MDN1: variants seen among roughly 807,000 people sequenced by gnomAD.
MDN1 encodes the protein midasin AAA ATPase 1, also known as midasin.
A neutral mutation model predicts 669.2 loss-of-function variants in MDN1; 266 were observed. The observed-to-expected ratio is 0.40, with a 90% confidence interval of 0.36 to 0.44. The LOEUF (loss-of-function observed/expected upper bound fraction) is 0.44, where lower values mean the gene tolerates loss of function less well. MDN1 is among the 20% of genes least tolerant of loss of function. MDN1 has a pLI of 1.00. For synonymous variants in MDN1, 2,385 were observed against 2,457.1 expected (o/e 0.97, Z 0.87); for missense variants, 5,940 against 6,754.0 (o/e 0.88, Z 4.22).
intron 63 of MDN1, 147 bp downstream of exon 63, chr6:89,692,296 G>A (rs1331899914): frequency 1.5e-6 from 1 of 675,846 alleles, no homozygotes; most frequent in Non-Finnish European, 2.4e-6. Flanking sequence ...AGTTAAATAG[G>A]GAAAAAGAAG....
chr6:89,799,132 G>C (rs913290657), intron 2 of MDN1, among the ~76,000 whole-genome samples: 2 of 152,178 alleles, frequency 1.3e-5, no homozygotes, highest in Non-Finnish European at 2.9e-5. Flanking sequence ...TCATTCTGCT[G>C]TATGGCCGCA....
Position 89,658,209 on chromosome 6 carries a change from C to G in MDN1, c.15183G>C (p.Glu5061Asp), listed in dbSNP as rs1240552798. 1.2e-6 allele frequency: 2 copies of G among 1,613,956 alleles called. No individual in the cohort carries two copies. Among genetic ancestry groups the G allele is most frequent in the East Asian group, 4.5e-5 (2 of 44,890 alleles). The change falls in exon 90 of 102, where the codon GAG (glutamate) becomes GAC (aspartate). Residue 5061 changes from glutamate (E) to aspartate (D), a missense_variant and splice_region_variant. Transcript: ENST00000369393. ...CGGCTGCAGTGAAACCACTGATCAC[C>G]TCTTTCCCCTGCTCCTTCTCAGGTG... ...GAAPEKEQGK[E>D]EHGSGAADAN... is the part of the protein sequence containing the mutation.
At chr6:89,759,625 G>T (rs139761166) in intron 17 of MDN1, among the ~76,000 whole-genome samples, 1 of 152,058 alleles carries the variant, frequency 6.6e-6, no homozygotes, top group South Asian at 2.1e-4. Flanking sequence ...ATAGCCGGGC[G>T]TGGTGGCACG....
rs760930812 is a variant in MDN1, at chr6:89,672,214, C to G, written c.13780G>C (p.Ala4594Pro). Reference protein sequence around the residue: ...RLKSYGEDGTAAKHLFFSQSC... With the variant: ...RLKSYGEDGTPAKHLFFSQSC... ...CAGTTAGTTACCAGGTGCTTTGCTG[C>G]TGTGCCATCCTCACCGTACGATTTC... The change falls in exon 82 of 102, where the codon GCA (alanine) becomes CCA (proline). Residue 4594 changes from alanine to proline, a missense_variant. This residue lies in a region of MDN1 where 2,280 missense variants were observed against 2,576.3 expected (regional missense o/e 0.88). Transcript: ENST00000369393. The G allele has an allele frequency of 4.4e-6, 7 of 1,583,248 alleles. No homozygotes were observed. In the African/African-American group the frequency reaches 9.6e-5, roughly 22 times the overall value.
At chr6:89,671,860 G>A (rs889355187) in intron 82 of MDN1, among the ~76,000 whole-genome samples, 2 of 152,242 alleles carry the variant, frequency 1.3e-5, no homozygotes, top group Non-Finnish European at 2.9e-5. Flanking sequence ...GGGAATGGTG[G>A]TTACACAGGA....
chr6:89,764,777 C>A (rs545159229), intron 15 of MDN1, among the ~76,000 whole-genome samples: 1 of 152,266 alleles, frequency 6.6e-6, no homozygotes, highest in South Asian at 2.1e-4. Context: ...CTCAGCAACA[C>A]AGGGGAAGGT....
chr6:89,695,682 T>A lies in MDN1; in HGVS notation c.9694A>T (p.Ile3232Phe). 6.2e-7 allele frequency: 1 copy of A among 1,613,652 alleles called. No homozygotes were observed. The highest frequency in any genetic ancestry group is 8.5e-7 in the Non-Finnish European group (1 of 1,179,960). Residue 3232 changes from isoleucine (I) to phenylalanine (F), a missense_variant, in exon 61 of 102, where the codon ATT (isoleucine) becomes TTT (phenylalanine). Physicochemically the swap from Ile to Phe is conservative, Grantham distance 21 (BLOSUM62 0). This residue lies in a region of MDN1 where 2,292 missense variants were observed against 2,638.3 expected (regional missense o/e 0.87). Coordinates refer to ENST00000369393, the MANE Select transcript of MDN1 (RefSeq NM_014611.3). The surrounding 1 kb of genome is among the most constrained non-coding windows in gnomAD (Gnocchi z 4.1). ...SLWVSLGLLQIQTWLPQARFD... is the reference protein window; with the variant it reads ...SLWVSLGLLQFQTWLPQARFD... ...CGTGCCTGGGGAAGCCATGTCTGAA[T>A]CTGGAGCAAGCCGAGGCTCACCCAG...
chr6:89,692,397 T>G (rs1472476198), intron 63 of MDN1, 46 bp downstream of exon 63: 1 of 1,536,460 alleles, frequency 6.5e-7, no homozygotes, highest in Admixed American at 1.9e-5. Context: ...TGAACCTGGC[T>G]CTCTGCAGGA....
chr6:89,782,606 AT>A (rs1554197445), intron 9 of MDN1, among the ~76,000 whole-genome samples: 208 of 1,006 alleles, frequency 0.21, no homozygotes, highest in African/African-American at 0.26. Flanking sequence ...TCCTCAAAAA[AT>A]AATAATAATA....
chr6:89,773,927 T>A (rs1272513978), intron 13 of MDN1, among the ~76,000 whole-genome samples: 1 of 150,130 alleles, frequency 6.7e-6, no homozygotes, highest in Non-Finnish European at 1.5e-5. Context: ...ATCGCACCAC[T>A]GTACTCCAGC....
In MDN1 at chr6:89,645,017, G is replaced by A. The variant is rs374153704; in HGVS notation, c.16600C>T (p.Arg5534Trp). The change falls in exon 101 of 102, where the codon CGG becomes TGG. Residue 5534 changes from arginine to tryptophan, a missense_variant and splice_region_variant. Transcript: ENST00000369393. The part of the protein sequence containing the change: ...IFVVLDNPSS[R>W]DSILDIKVPI... The stretch of plus-strand genomic sequence containing the variant: ...GGTGGCTTTTAGTAGTCACTCACCC[G>A]TGAACTGGGATTGTCCAATACAACA... 3.8e-6 allele frequency: 6 copies of A among 1,586,146 alleles called. No individual in the cohort carries two copies. The highest frequency in any genetic ancestry group is 3.5e-6 in the Non-Finnish European group (4 of 1,156,822).
In MDN1 at chr6:89,678,554, A is replaced by G. The variant is rs763120741; in HGVS notation, c.12412+45T>C. 8.1e-6 allele frequency: 13 copies of G among 1,597,166 alleles called. No homozygotes were observed. In the Admixed American group the frequency reaches 2.2e-4, roughly 27 times the overall value. ...ATCAGTCATGTCATTTCTCTCCCTAAAAGTTGGTGACTACATTTCATTGGG... is the reference window on the plus strand; with the variant it reads ...ATCAGTCATGTCATTTCTCTCCCTAGAAGTTGGTGACTACATTTCATTGGG... On this transcript the variant is annotated intron_variant, in intron 75 of 101. Transcript: ENST00000369393.
chr6:89,752,074 G>A (rs1349726276), intron 22 of MDN1, among the ~76,000 whole-genome samples: 1 of 152,100 alleles, frequency 6.6e-6, no homozygotes, highest in Non-Finnish European at 1.5e-5. Flanking sequence ...CTGAGATATG[G>A]TTTAAGTTAT....
intron 15 of MDN1, among the ~76,000 whole-genome samples, chr6:89,767,287 T>C (rs183323565): frequency 2.0e-5 from 3 of 152,258 alleles, no homozygotes; most frequent in Admixed American, 1.3e-4. Flanking sequence ...GAAAAAGACA[T>C]ATCATGCCAA....
At chr6:89,682,994 A>C in intron 73 of MDN1, 138 bp downstream of exon 73, 1 of 876,388 alleles carries the variant, frequency 1.1e-6, no homozygotes, top group Non-Finnish European at 1.7e-6. Context: ...AAGTCAGGCA[A>C]ATACATGCTA....
At chr6:89,683,352 G>T in intron 72 of MDN1, 22 bp from the exon 73 acceptor site, 1 of 1,605,706 alleles carries the variant, frequency 6.2e-7, no homozygotes, top group Non-Finnish European at 8.5e-7. Flanking sequence ...TAATGACAGA[G>T]ATAAGAAGAA....
intron 15 of MDN1, 62 bp downstream of exon 15, chr6:89,771,499 C>G (rs986310148): frequency 7.3e-7 from 1 of 1,373,832 alleles, no homozygotes; most frequent in Admixed American, 1.8e-5. Flanking sequence ...ACTAAGAAAA[C>G]AGTATTTCTT....
intron 63 of MDN1, among the ~76,000 whole-genome samples, chr6:89,692,038 T>C (rs1330698267): frequency 6.6e-6 from 1 of 152,230 alleles, no homozygotes; most frequent in Non-Finnish European, 1.5e-5. Flanking sequence ...TAGCAGCGTT[T>C]ATACAGCTTT....
rs748102930 is a variant in MDN1, at chr6:89,716,733, G to A, written c.6660C>T (p.Gly2220=). 1 of 1,614,042 alleles carries A rather than the reference G, an allele frequency of 6.2e-7. No homozygotes were observed. Among genetic ancestry groups the A allele is most frequent in the South Asian group, 1.1e-5 (1 of 91,070 alleles). The part of the protein sequence containing the change: ...LTQLASGHSH[G]TFEWVDSMLV... ...ACATGCTGTCAACCCATTCAAATGTGCCATGGCTATGGCCACTGGCCAACT... is the reference window on the plus strand; with the variant it reads ...ACATGCTGTCAACCCATTCAAATGTACCATGGCTATGGCCACTGGCCAACT... Residue 2220 remains glycine, a synonymous_variant, in exon 44 of 102, where the codon GGC becomes GGT. Coordinates refer to ENST00000369393, the MANE Select transcript of MDN1 (RefSeq NM_014611.3).
Sources: allele counts gnomAD v4.1 joint callset (sites outside exome capture counted in the v4.1 genomes callset), GRCh38; gene constraint gnomAD v4.1.1; regional missense constraint gnomAD v4.1.1; non-coding constraint Gnocchi (gnomAD v3.1); transcripts MANE v1.5; gene names NCBI Gene and HGNC (gene_info 2026-07-23, HGNC 2026-07-21).